MAP3K20: variants seen among roughly 807,000 people sequenced by gnomAD.
MAP3K20 encodes the protein mitogen-activated protein kinase kinase kinase 20, also known as HCCS-4.
MAP3K20 carries 40 observed loss-of-function variants against 85.7 expected under a neutral mutation model. The observed-to-expected ratio is 0.47, with a 90% CI of 0.36 to 0.61. The LOEUF (loss-of-function observed/expected upper bound fraction) is 0.61, where lower values mean the gene tolerates loss of function less well. Among genes scored for constraint, MAP3K20 ranks in the 20% least tolerant of loss-of-function variants. The pLI, the probability that MAP3K20 is intolerant of heterozygous loss-of-function variation, is 0.00. For synonymous variants in MAP3K20, 325 were observed against 327.7 expected (o/e 0.99, Z 0.09); for missense variants, 817 against 961.7 (o/e 0.85, Z 1.99).
chr2:173,208,446 T>A (rs917961911), intron 9 of MAP3K20, among the ~76,000 whole-genome samples: 7 of 151,770 alleles, frequency 4.6e-5, no homozygotes, highest in Non-Finnish European at 8.8e-5. Context: ...TGGGAGAAAT[T>A]AAGAGGAGGA....
chr2:173,210,484 T>G (rs1683853323), intron 10 of MAP3K20: 1 of 152,430 alleles, frequency 6.6e-6, no homozygotes, highest in Admixed American at 6.5e-5. Context: ...ACCTTGAAAT[T>G]CGCTGAGCAC....
chr2:173,134,732 T>G (rs560511832), intron 2 of MAP3K20, among the ~76,000 whole-genome samples: 1 of 152,164 alleles, frequency 6.6e-6, no homozygotes, highest in African/African-American at 2.4e-5. Flanking sequence ...TTTTTACTTT[T>G]ATTTTATTTA....
chr2:173,076,096 C>G (rs1686846939), intron 1 of MAP3K20, 94 bp downstream of exon 1: 3 of 903,834 alleles, frequency 3.3e-6, no homozygotes, highest in Non-Finnish European at 4.0e-6. Context: ...GGCCGAGGCT[C>G]CGCCGGAGCC....
chr2:173,131,778 TG>T lies in MAP3K20; in HGVS notation c.160-38023del, dbSNP rs375152806. On this transcript the variant is annotated intron_variant, in intron 2 of 19. Coordinates refer to ENST00000375213, the MANE Select transcript of MAP3K20 (RefSeq NM_016653.3). ...CAGTGTTGTGAACCTCAGGTTGCCT[TG>T]GGGTTGATGACAAAGCAAAGATTTC... 3.2e-3 allele frequency among the ~76,000 whole-genome samples: 480 copies of T among 152,244 alleles called. 2 individuals are homozygous for T. Among genetic ancestry groups the T allele is most frequent in the African/African-American group, 0.011 (460 of 41,530 alleles).
chr2:173,230,213 G>C (rs1684490614), intron 12 of MAP3K20, among the ~76,000 whole-genome samples: 1 of 152,020 alleles, frequency 6.6e-6, no homozygotes, highest in Admixed American at 6.6e-5. Flanking sequence ...CTTCTAAGTG[G>C]GTTCTACCTT....
At chr2:173,154,482 C>G (rs1689398254) in intron 2 of MAP3K20, among the ~76,000 whole-genome samples, 1 of 152,182 alleles carries the variant, frequency 6.6e-6, no homozygotes, top group Admixed American at 6.5e-5. Context: ...CCGTGCCCAG[C>G]CTAATCCATT....
Position 173,220,021 on chromosome 2 carries a change from T to C in MAP3K20, c.987+2771T>C, listed in dbSNP as rs185908409. Among the ~76,000 whole-genome samples the C allele has an allele frequency of 2.2e-5, 3 of 137,822 alleles. No individual in the cohort carries two copies. The Admixed American group carries it at 2.4e-4, about 11-fold the overall frequency. The allele number at this position is 137,822 out of a possible 152,430, so 90.4% of individuals were successfully genotyped here. On this transcript the variant is annotated intron_variant, in intron 11 of 19. Coordinates refer to ENST00000375213, the MANE Select transcript of MAP3K20 (RefSeq NM_016653.3). ...AGGCAGAGGTTGCAGTGAGCTGAGATAGTGCCACTGCACTCCAGCCTGGGC... is the reference window on the plus strand; with the variant it reads ...AGGCAGAGGTTGCAGTGAGCTGAGACAGTGCCACTGCACTCCAGCCTGGGC...
At chr2:173,209,416 TAGG>T (rs1385588998) in intron 9 of MAP3K20, among the ~76,000 whole-genome samples, 2 of 152,242 alleles carry the variant, frequency 1.3e-5, no homozygotes, top group Non-Finnish European at 2.9e-5. Flanking sequence ...TGTTTCCTTT[TAGG>T]AGTTCTTAAA....
chr2:173,214,723 G>A (rs1574121291), intron 10 of MAP3K20, among the ~76,000 whole-genome samples: 1 of 152,120 alleles, frequency 6.6e-6, no homozygotes, highest in East Asian at 1.9e-4. Context: ...AGTTGACATT[G>A]ACCTTGATTG....
intron 1 of MAP3K20, among the ~76,000 whole-genome samples, chr2:173,089,814 C>G (rs777304008): frequency 6.6e-6 from 1 of 152,160 alleles, no homozygotes; most frequent in Non-Finnish European, 1.5e-5. Flanking sequence ...CTCAAGAGAT[C>G]CACCTGCCTC....
chr2:173,124,031 G>GTTA (rs1688372230), intron 2 of MAP3K20, among the ~76,000 whole-genome samples: 1 of 152,078 alleles, frequency 6.6e-6, no homozygotes, highest in African/African-American at 2.4e-5. Flanking sequence ...GTTTCTGTTG[G>GTTA]CACTTCATTG....
At chr2:173,112,032 T>TA (rs1687989738) in intron 2 of MAP3K20, among the ~76,000 whole-genome samples, 1 of 152,238 alleles carries the variant, frequency 6.6e-6, no homozygotes, top group South Asian at 2.1e-4. Context: ...ATATTGATTC[T>TA]ACCCATCCGT....
At chr2:173,223,411 C>T (rs1684304598) in intron 11 of MAP3K20, 3 of 964,020 alleles carry the variant, frequency 3.1e-6, no homozygotes, top group Admixed American at 6.2e-5. Flanking sequence ...CACTTTAACA[C>T]AGCACCAGGC....
intron 4 of MAP3K20, among the ~76,000 whole-genome samples, chr2:173,183,269 G>GA (rs1690385160): frequency 6.6e-6 from 1 of 152,076 alleles, no homozygotes; most frequent in African/African-American, 2.4e-5. Context: ...ACATTAAATG[G>GA]AAAAATCATA....
intron 2 of MAP3K20, among the ~76,000 whole-genome samples, chr2:173,163,435 T>C (rs566668827): frequency 3.3e-5 from 5 of 152,352 alleles, no homozygotes; most frequent in East Asian, 3.9e-4. Context: ...GCTCCATCCA[T>C]GTTTCTGCAA....
At chr2:173,255,686 G>A (rs1685141956) in intron 16 of MAP3K20, among the ~76,000 whole-genome samples, 1 of 152,230 alleles carries the variant, frequency 6.6e-6, no homozygotes. Context: ...TCCCTGGTTA[G>A]GAGATGAGAG....
chr2:173,101,956 A>G (rs998570736), intron 2 of MAP3K20, among the ~76,000 whole-genome samples: 5 of 152,172 alleles, frequency 3.3e-5, no homozygotes, highest in Non-Finnish European at 7.4e-5. Flanking sequence ...AGTCTGCTCT[A>G]GTTTGGAACA....
At chr2:173,175,277 A>ATTCTT (rs1207279800) in intron 3 of MAP3K20, among the ~76,000 whole-genome samples, 17 of 152,308 alleles carry the variant, frequency 1.1e-4, no homozygotes, top group Middle Eastern at 3.4e-3. Flanking sequence ...AAGTTGACTC[A>ATTCTT]TTCTTTTCTT....
At chr2:173,184,566 G>A (rs1559267730) in intron 4 of MAP3K20, among the ~76,000 whole-genome samples, 2 of 152,188 alleles carry the variant, frequency 1.3e-5, no homozygotes, top group Non-Finnish European at 2.9e-5. Context: ...TTTCTCAAGA[G>A]TGCTAGTGCT....
Sources: gnomAD v4.1 joint callset for allele counts (sites outside exome capture counted in the v4.1 genomes callset) on GRCh38, gnomAD v4.1.1 for gene constraint, MANE v1.5 for transcripts, NCBI Gene and HGNC (gene_info 2026-07-23, HGNC 2026-07-21) for gene names.